The following KCNQ5 variants were observed in gnomAD, a reference collection of about 807,000 sequenced individuals.
The protein encoded by KCNQ5 is potassium voltage-gated channel subfamily Q member 5.
Under a neutral mutation model 98.2 loss-of-function variants are expected in KCNQ5, and 30 were observed. The ratio of observed to expected loss-of-function variants is 0.31; its 90% CI spans 0.23 to 0.41. KCNQ5 has a LOEUF of 0.41. Among genes scored for constraint, KCNQ5 ranks in the 10% least tolerant of loss-of-function variants. The probability of loss-of-function intolerance (pLI) is 1.00; values close to 1 mark genes in which losing one functional copy is unlikely to be tolerated. For missense variants in KCNQ5, 835 were observed against 1,182.5 expected (o/e 0.71, Z 4.31); for synonymous variants, 458 against 449.4 (o/e 1.02, Z -0.24).
intron 1 of KCNQ5, among the ~76,000 whole-genome samples, chr6:72,706,787 CAAAAT>C (rs1769111633): frequency 6.6e-6 from 1 of 152,048 alleles, no homozygotes; most frequent in African/African-American, 2.4e-5. Flanking sequence ...ATAAAAAGAA[CAAAAT>C]AGTTTTCTAT....
At chr6:72,747,340 A>G (rs953320388) in intron 1 of KCNQ5, among the ~76,000 whole-genome samples, 1 of 152,170 alleles carries the variant, frequency 6.6e-6, no homozygotes, top group African/African-American at 2.4e-5. Flanking sequence ...TATTTTGATA[A>G]CTATTTCTAT....
At chr6:72,951,174 T>C (rs1766785229) in intron 1 of KCNQ5, among the ~76,000 whole-genome samples, 1 of 152,240 alleles carries the variant, frequency 6.6e-6, no homozygotes, top group African/African-American at 2.4e-5. Context: ...AACTTTCTTG[T>C]TCTTCTCAGA....
At chr6:72,953,265 A>G (rs1420386485) in intron 1 of KCNQ5, among the ~76,000 whole-genome samples, 1 of 152,220 alleles carries the variant, frequency 6.6e-6, no homozygotes, top group Non-Finnish European at 1.5e-5. Flanking sequence ...ACATTTTTTC[A>G]GGTGGACTTT....
intron 1 of KCNQ5, among the ~76,000 whole-genome samples, chr6:72,851,537 A>G (rs1777258244): frequency 1.3e-5 from 2 of 152,220 alleles, no homozygotes; most frequent in South Asian, 4.1e-4. Flanking sequence ...TATTATTGTC[A>G]TGGCTTGCAA....
chr6:72,651,466 T>A (rs1458078822), intron 1 of KCNQ5, among the ~76,000 whole-genome samples: 1 of 152,118 alleles, frequency 6.6e-6, no homozygotes. Flanking sequence ...ACTCTTGGAC[T>A]TTATGACAAA....
At chr6:73,026,412 G>A (rs1054366521) in intron 2 of KCNQ5, among the ~76,000 whole-genome samples, 1 of 151,962 alleles carries the variant, frequency 6.6e-6, no homozygotes, top group Non-Finnish European at 1.5e-5. Context: ...CTTCTGTCTC[G>A]AAACTTCTTT....
At chr6:72,859,505 T>C (rs1777674453) in intron 1 of KCNQ5, among the ~76,000 whole-genome samples, 1 of 152,136 alleles carries the variant, frequency 6.6e-6, no homozygotes. Context: ...TAAAATGCCA[T>C]TTCTCTATTT....
intron 3 of KCNQ5, among the ~76,000 whole-genome samples, chr6:73,071,828 CATG>C (rs930728752): frequency 1.3e-5 from 2 of 152,130 alleles, no homozygotes; most frequent in Admixed American, 1.3e-4. Flanking sequence ...CACATTTCAA[CATG>C]ATATTTGGAG....
At chr6:72,661,504 A>G (rs1766522991) in intron 1 of KCNQ5, among the ~76,000 whole-genome samples, 1 of 152,172 alleles carries the variant, frequency 6.6e-6, no homozygotes, top group African/African-American at 2.4e-5. Flanking sequence ...AATTGAGAAT[A>G]CATAGAAGAT....
At chr6:72,876,044 A>G (rs1275660107) in intron 1 of KCNQ5, among the ~76,000 whole-genome samples, 2 of 152,006 alleles carry the variant, frequency 1.3e-5, no homozygotes, top group African/African-American at 4.8e-5. Context: ...CACTTAACCT[A>G]GTCAATTGGC....
At chr6:72,660,191 T>C (rs912958466) in intron 1 of KCNQ5, among the ~76,000 whole-genome samples, 1 of 152,220 alleles carries the variant, frequency 6.6e-6, no homozygotes, top group Admixed American at 6.5e-5. Flanking sequence ...TGTGCTAAAA[T>C]AGTACAAGCC....
intron 1 of KCNQ5, among the ~76,000 whole-genome samples, chr6:72,999,967 A>C (rs1351435314): frequency 2.0e-5 from 3 of 152,258 alleles, no homozygotes; most frequent in Admixed American, 2.0e-4. Flanking sequence ...AAACACATAA[A>C]TATCCCCCCT....
At chr6:72,687,722 A>G (rs570603899) in intron 1 of KCNQ5, among the ~76,000 whole-genome samples, 1 of 152,136 alleles carries the variant, frequency 6.6e-6, no homozygotes, top group Non-Finnish European at 1.5e-5. Flanking sequence ...CTGTAGAATG[A>G]TGTTTCATTT....
chr6:72,900,937 T>A (rs1275228376), intron 1 of KCNQ5, among the ~76,000 whole-genome samples: 1 of 152,174 alleles, frequency 6.6e-6, no homozygotes, highest in Non-Finnish European at 1.5e-5. Context: ...TGTTGGCCAT[T>A]TGTATATCTT....
chr6:72,696,427 A>G (rs1768504657), intron 1 of KCNQ5, among the ~76,000 whole-genome samples: 1 of 152,162 alleles, frequency 6.6e-6, no homozygotes, highest in Non-Finnish European at 1.5e-5. Flanking sequence ...ATTCATCATA[A>G]TTTTTACACA....
chr6:72,660,920 C>T lies in KCNQ5; in HGVS notation c.398+38333C>T, dbSNP rs186315077. On this transcript the variant is annotated intron_variant, in intron 1 of 13. Transcript: ENST00000370398. Reference sequence around the variant, plus strand: ...ATGGCCGGAACCAAAGTTATTATAACCTAAATATTGGCATATAATAAAAAG... The same window carrying T: ...ATGGCCGGAACCAAAGTTATTATAATCTAAATATTGGCATATAATAAAAAG... Among the ~76,000 whole-genome samples the T allele has an allele frequency of 7.2e-4, 109 of 152,084 alleles. 1 individual carries two copies. The Middle Eastern group carries it at 0.014, about 19-fold the overall frequency.
intron 1 of KCNQ5, among the ~76,000 whole-genome samples, chr6:72,888,420 C>T (rs1329925442): frequency 1.3e-5 from 2 of 152,164 alleles, no homozygotes; most frequent in African/African-American, 2.4e-5. Flanking sequence ...AAATGAAGAA[C>T]TAGCATACTA....
intron 1 of KCNQ5, among the ~76,000 whole-genome samples, chr6:72,644,889 A>G (rs561444579): frequency 1.3e-5 from 2 of 152,174 alleles, no homozygotes; most frequent in Non-Finnish European, 2.9e-5. Flanking sequence ...CTCATAGTGA[A>G]TATTCTCTGA....
intron 10 of KCNQ5, among the ~76,000 whole-genome samples, chr6:73,149,823 A>AGAGG (rs1554215599): frequency 2.2e-5 from 3 of 133,334 alleles, no homozygotes; most frequent in South Asian, 2.3e-4. Flanking sequence ...AGAGAGAGAG[A>AGAGG]GAGGGAGGGA....
Sources: gnomAD v4.1 joint callset for allele counts (sites outside exome capture counted in the v4.1 genomes callset) on GRCh38, gnomAD v4.1.1 for gene constraint, MANE v1.5 for transcripts, NCBI Gene and HGNC (gene_info 2026-07-23, HGNC 2026-07-21) for gene names.